NOTUM: variants seen among roughly 807,000 people sequenced by gnomAD.
NOTUM encodes notum, palmitoleoyl-protein carboxylesterase.
NOTUM carries 36 observed loss-of-function variants against 65.5 expected under a neutral mutation model. The ratio of observed to expected loss-of-function variants is 0.55; its 90% CI spans 0.42 to 0.73. NOTUM has a LOEUF of 0.73. NOTUM is among the 30% of genes least tolerant of loss of function. The probability of loss-of-function intolerance (pLI) is 0.00; values close to 1 mark genes in which losing one functional copy is unlikely to be tolerated. For missense variants in NOTUM, 659 were observed against 694.2 expected (o/e 0.95, Z 0.57); for synonymous variants, 356 against 297.9 (o/e 1.20, Z -2.01).
In NOTUM at chr17:81,960,846, C is replaced by T; in HGVS notation, c.64G>A (p.Gly22Ser). ...SLLHCAGGSEGRKTWRRRGQQ... is the reference protein window; with the variant it reads ...SLLHCAGGSESRKTWRRRGQQ... ...CCCCGGCGCCGCCAGGTCTTCCTGC[C>T]CTCGCTGCCCCCGGCGCAGTGCAGC... The change falls in exon 1 of 11, where the codon GGC becomes AGC. Residue 22 changes from glycine (G) to serine (S), a missense_variant. Gly to Ser is a moderately conservative substitution (Grantham distance 56). Coordinates refer to ENST00000409678, the MANE Select transcript of NOTUM (RefSeq NM_178493.6). This position sits in a 1 kb window ranked among gnomAD's most constrained non-coding sequence, Gnocchi z 6.4. 1 of 1,499,376 alleles carries T rather than the reference C, an allele frequency of 6.7e-7. No homozygotes were observed. The highest frequency in any genetic ancestry group is 8.9e-7 in the Non-Finnish European group (1 of 1,128,448). 92.9% of individuals were successfully genotyped at this position (1,499,376 alleles called of 1,614,324 possible). A position where few individuals can be genotyped will look rare whatever the true frequency, so the allele number is the denominator to read the frequency against.
At chr17:81,957,566 C>T (rs34725780) in intron 6 of NOTUM, among the ~76,000 whole-genome samples, 1 of 151,764 alleles carries the variant, frequency 6.6e-6, no homozygotes, top group African/African-American at 2.4e-5. Flanking sequence ...ACAACCATGG[C>T]GTCCAGAAGC....
chr17:81,957,024 A>G lies in NOTUM; in HGVS notation c.746T>C (p.Leu249Pro). 6.2e-7 allele frequency: 1 copy of G among 1,610,714 alleles called. No individual in the cohort carries two copies. Among genetic ancestry groups the G allele is most frequent in the Non-Finnish European group, 8.5e-7 (1 of 1,179,872 alleles). Residue 249 changes from leucine (L) to proline (P), a missense_variant, in exon 7 of 11, where the codon CTG (leucine) becomes CCG (proline). Coordinates refer to ENST00000409678, the MANE Select transcript of NOTUM (RefSeq NM_178493.6). ...LLNVDRVAEQ[L>P]EKLGYPAIQV... is the part of the protein sequence containing the mutation. The stretch of plus-strand genomic sequence containing the variant: ...GATGGCTGGGTAGCCCAGCTTCTCC[A>G]GCTGCTCAGCCACACGGTCCACATT...
intron 4 of NOTUM, 62 bp downstream of exon 4, chr17:81,958,873 G>C (rs978789299): frequency 1.6e-6 from 2 of 1,258,330 alleles, no homozygotes; most frequent in Non-Finnish European, 2.3e-6. Context: ...CCCAAGGAAG[G>C]ACCCCCCGGG....
chr17:81,959,840 G>C (rs910969796), intron 1 of NOTUM, 148 bp from the exon 2 acceptor site: 2 of 294,548 alleles, frequency 6.8e-6, no homozygotes, highest in Non-Finnish European at 1.2e-5. Flanking sequence ...CCCACGGGGA[G>C]CTCAGGGACG....
chr17:81,954,980 C>A (rs1010556716), intron 9 of NOTUM, among the ~76,000 whole-genome samples: 1 of 151,528 alleles, frequency 6.6e-6, no homozygotes, highest in African/African-American at 2.4e-5. Context: ...TTCTCTCTCT[C>A]TCTATATATG....
rs1408444088 is a variant in NOTUM, at chr17:81,960,238, G to A, written c.323+349C>T. On this transcript the variant is annotated intron_variant, in intron 1 of 10. Coordinates refer to ENST00000409678, the MANE Select transcript of NOTUM (RefSeq NM_178493.6). The surrounding 1 kb of genome is among the most constrained non-coding windows in gnomAD (Gnocchi z 6.4). ...TTATCTACTTCGGGGCTGCAAGGAG[G>A]TGGGCAGCGGGCCTCTCCCCGCCCC... Among the ~76,000 whole-genome samples, 1 of 152,232 alleles carries A rather than the reference G, an allele frequency of 6.6e-6. No individual in the cohort carries two copies. The highest frequency in any genetic ancestry group is 2.4e-5 in the African/African-American group (1 of 41,462).
intron 7 of NOTUM, 51 bp downstream of exon 7, chr17:81,956,832 C>T (rs771453758): frequency 2.5e-5 from 40 of 1,595,640 alleles, no homozygotes; most frequent in Non-Finnish European, 3.2e-5. Flanking sequence ...CCACCCAGGC[C>T]CTTCTGGGGC....
In NOTUM at chr17:81,953,010, T is replaced by G; in HGVS notation, c.1442A>C (p.Gln481Pro). 6.2e-7 allele frequency: 1 copy of G among 1,613,998 alleles called. No individual in the cohort carries two copies. The highest frequency in any genetic ancestry group is 8.5e-7 in the Non-Finnish European group (1 of 1,179,988). Residue 481 changes from glutamine (Q) to proline (P), a missense_variant, in exon 11 of 11, where the codon CAG (glutamine) becomes CCG (proline). Gln to Pro is a moderately conservative substitution (Grantham distance 76, BLOSUM62 -1). Transcript: ENST00000409678. ...GFDMQTVAQP[Q>P]GLEPSELLGM... Reference sequence around the variant, plus strand: ...CAGCAGCTCACTGGGCTCCAGTCCCTGCGGCTGGGCCACCGTCTGCATGTC... The same window carrying G: ...CAGCAGCTCACTGGGCTCCAGTCCCGGCGGCTGGGCCACCGTCTGCATGTC...
chr17:81,958,329 A>T lies in NOTUM; in HGVS notation c.592+6T>A. On this transcript the variant is annotated splice_donor_region_variant and intron_variant, in intron 5 of 10. Transcript: ENST00000409678. ...CCTGCCATGCCCTGGGAAGGCCGAG[A>T]CTCACTCTTCTCAGACTTGGATGAA... is the stretch of plus-strand genomic sequence containing the variant. The T allele has an allele frequency of 6.3e-7, 1 of 1,599,986 alleles. No homozygotes were observed. The highest frequency in any genetic ancestry group is 8.6e-7 in the Non-Finnish European group (1 of 1,168,868).
chr17:81,956,611 C>G, intron 8 of NOTUM, 39 bp downstream of exon 8: 1 of 1,384,924 alleles, frequency 7.2e-7, no homozygotes, highest in Non-Finnish European at 1.0e-6. Flanking sequence ...GTGTGGCCAC[C>G]CCTGCTGCCC....
chr17:81,954,880 G>T (rs2041416896), intron 9 of NOTUM, among the ~76,000 whole-genome samples: 1 of 152,184 alleles, frequency 6.6e-6, no homozygotes, highest in African/African-American at 2.4e-5. Context: ...GCCTCCCAAA[G>T]GGGTGGGATT....
intron 10 of NOTUM, among the ~76,000 whole-genome samples, chr17:81,953,667 G>T (rs1008365362): frequency 1.3e-5 from 2 of 151,768 alleles, no homozygotes; most frequent in African/African-American, 4.8e-5. Flanking sequence ...GCAGTGGTGT[G>T]ATCACTGCTC....
In NOTUM at chr17:81,954,480, G is replaced by A. The variant is rs373499007; in HGVS notation, c.1137-177C>T. 1.5e-4 allele frequency among the ~76,000 whole-genome samples: 23 copies of A among 152,210 alleles called. No individual in the cohort carries two copies. The East Asian group carries it at 3.5e-3, about 23-fold the overall frequency. Reference sequence around the variant, plus strand: ...GGCCAGCTCCCGGCTGACCCTTATCGCTTTGTGCCTCAAATCCCTGCTCAG... The same window carrying A: ...GGCCAGCTCCCGGCTGACCCTTATCACTTTGTGCCTCAAATCCCTGCTCAG... On this transcript the variant is annotated intron_variant, in intron 9 of 10. Coordinates refer to ENST00000409678, the MANE Select transcript of NOTUM (RefSeq NM_178493.6).
intron 10 of NOTUM, 89 bp downstream of exon 10, chr17:81,954,167 G>C (rs1380791275): frequency 2.2e-6 from 2 of 896,502 alleles, no homozygotes; most frequent in Admixed American, 1.8e-5. Context: ...CCAAGAAGAG[G>C]CCCATGGGAG....
At chr17:81,953,705 G>A (rs1483717055) in intron 10 of NOTUM, among the ~76,000 whole-genome samples, 2 of 151,970 alleles carry the variant, frequency 1.3e-5, no homozygotes, top group African/African-American at 4.8e-5. Flanking sequence ...CTGAGTTCAA[G>A]TGATCCTCCC....
chr17:81,959,324 G>C (rs909825723), intron 3 of NOTUM, 147 bp downstream of exon 3: 5 of 655,080 alleles, frequency 7.6e-6, no homozygotes, highest in Non-Finnish European at 1.3e-5. Flanking sequence ...AAAGGCAAGA[G>C]TGAAGGGCGC....
At chr17:81,959,812 G>C in intron 1 of NOTUM, 120 bp from the exon 2 acceptor site, 2 of 444,728 alleles carry the variant, frequency 4.5e-6, no homozygotes. Flanking sequence ...CGGTCGCACG[G>C]GGGCGCCCTC....
rs745402057 is a variant in NOTUM at position 81,956,957 on chromosome 17, G to T, written c.813C>A (p.Asn271Lys). The change falls in exon 7 of 11, where the codon AAC becomes AAA. Residue 271 changes from asparagine to lysine, a missense_variant. Transcript: ENST00000409678. ...CGCAGTCTGTGTGGCGATACTGCTT[G>T]TTGTCCAGGAACCAGCCGGAGTCAG... ...GLADSGWFLD[N>K]KQYRHTDCVD... The T allele has an allele frequency of 8.1e-6, 13 of 1,613,424 alleles. No homozygotes were observed. The South Asian group carries it at 1.3e-4, about 16-fold the overall frequency.
chr17:81,954,166 G>C, intron 10 of NOTUM, 90 bp downstream of exon 10: 1 of 884,622 alleles, frequency 1.1e-6, no homozygotes, highest in South Asian at 1.4e-5. Context: ...GCCAAGAAGA[G>C]GCCCATGGGA....
Sources: allele counts gnomAD v4.1 joint callset (sites outside exome capture counted in the v4.1 genomes callset), GRCh38; gene constraint gnomAD v4.1.1; non-coding constraint Gnocchi (gnomAD v3.1); transcripts MANE v1.5; gene names NCBI Gene and HGNC (gene_info 2026-07-23, HGNC 2026-07-21).